Variants in SLIT2 observed in about 807,000 individuals in gnomAD.
SLIT2 encodes the protein slit guidance ligand 2, also known as slit homolog 2 protein.
In SLIT2, 41 loss-of-function variants were observed where a neutral mutation model predicts 185.7. The ratio of observed to expected loss-of-function variants is 0.22; its 90% CI spans 0.17 to 0.29. The LOEUF is 0.29. Among genes scored for constraint, SLIT2 ranks in the 10% least tolerant of loss-of-function variants. SLIT2 has a pLI of 1.00. For missense variants in SLIT2, 1,571 were observed against 1,909.0 expected, an observed-to-expected ratio of 0.82 and a Z score of 3.30; for synonymous variants, 693 against 680.2, an observed-to-expected ratio of 1.02 and a Z score of -0.29.
At position 20,488,796 on chromosome 4, in the gene SLIT2, A is replaced by G. The variant is rs1174862991; in HGVS notation, c.612-23A>G. Reference sequence around the variant, plus strand: ...TAACGACTTTCTGTTTTCTTGCTTTACACTTCTTTTTTTCTCATTTAGTCG... The same window carrying G: ...TAACGACTTTCTGTTTTCTTGCTTTGCACTTCTTTTTTTCTCATTTAGTCG... On this transcript the variant is annotated intron_variant, in intron 7 of 36. Coordinates refer to ENST00000504154, the MANE Select transcript of SLIT2 (RefSeq NM_004787.4). 1.9e-6 allele frequency: 3 copies of G among 1,551,028 alleles called. No homozygotes were observed. In the South Asian group the frequency reaches 3.6e-5, roughly 18 times the overall value.
chr4:20,323,605 C>T (rs1206517085), intron 4 of SLIT2, among the ~76,000 whole-genome samples: 1 of 152,002 alleles, frequency 6.6e-6, no homozygotes, highest in East Asian at 1.9e-4. Flanking sequence ...ATATACAATA[C>T]CGGCCTCCAG....
intron 4 of SLIT2, among the ~76,000 whole-genome samples, chr4:20,341,294 AT>A (rs1299130380): frequency 2.0e-4 from 30 of 152,200 alleles, no homozygotes; most frequent in Admixed American, 2.0e-4. Flanking sequence ...GTAAGAAAGA[AT>A]TGGATGAGAT....
chr4:20,511,212 T>TA, intron 11 of SLIT2, 75 bp downstream of exon 11: 1 of 796,554 alleles, frequency 1.3e-6, no homozygotes, highest in Non-Finnish European at 2.1e-6. Flanking sequence ...AATTGGGGTT[T>TA]AAAAAATGCT....
intron 4 of SLIT2, among the ~76,000 whole-genome samples, chr4:20,315,753 C>T (rs1330975563): frequency 6.6e-6 from 1 of 151,972 alleles, no homozygotes; most frequent in Non-Finnish European, 1.5e-5. Flanking sequence ...GAACTCTTTA[C>T]ATTAGGTAGT....
At chr4:20,507,656 T>C (rs1719331908) in intron 9 of SLIT2, among the ~76,000 whole-genome samples, 1 of 151,660 alleles carries the variant, frequency 6.6e-6, no homozygotes, top group African/African-American at 2.4e-5. Context: ...TAAATATTTA[T>C]AGGGTGAATG....
chr4:20,454,220 A>AG (rs1231655549), intron 4 of SLIT2, among the ~76,000 whole-genome samples: 2 of 152,182 alleles, frequency 1.3e-5, no homozygotes, highest in South Asian at 4.1e-4. Context: ...ATTCTATGCA[A>AG]GACTGTACTA....
At chr4:20,587,281 G>A (rs1398425325) in intron 29 of SLIT2, among the ~76,000 whole-genome samples, 2 of 152,070 alleles carry the variant, frequency 1.3e-5, no homozygotes, top group African/African-American at 4.8e-5. Context: ...AGCCTCCTAA[G>A]TTCGGGGATT....
intron 12 of SLIT2, among the ~76,000 whole-genome samples, chr4:20,520,090 A>C (rs1019752076): frequency 1.5e-4 from 22 of 150,236 alleles, no homozygotes; most frequent in Non-Finnish European, 3.1e-4. Flanking sequence ...ACTTTTGTCC[A>C]GAGAATCTGC....
chr4:20,469,757 T>C (rs1714762650), intron 5 of SLIT2, among the ~76,000 whole-genome samples: 2 of 141,874 alleles, frequency 1.4e-5, no homozygotes, highest in East Asian at 4.0e-4. Context: ...TTTACTTTTT[T>C]TTTTTTTTTT....
intron 12 of SLIT2, among the ~76,000 whole-genome samples, chr4:20,520,015 C>T (rs1157382790): frequency 8.8e-6 from 1 of 113,640 alleles, no homozygotes; most frequent in Non-Finnish European, 1.6e-5. Flanking sequence ...GCCCGGGCGA[C>T]AGAGTGAGAC....
At chr4:20,581,853 TCTC>T (rs1726605425) in intron 29 of SLIT2, among the ~76,000 whole-genome samples, 2 of 152,142 alleles carry the variant, frequency 1.3e-5, no homozygotes, top group South Asian at 4.1e-4. Flanking sequence ...TTCAAGCAAT[TCTC>T]CTGTCTCAGC....
At chr4:20,414,451 A>G (rs1453094904) in intron 4 of SLIT2, among the ~76,000 whole-genome samples, 4 of 151,840 alleles carry the variant, frequency 2.6e-5, no homozygotes, top group Admixed American at 6.6e-5. Context: ...TTACCTCTCT[A>G]TTTTTTCATG....
At chr4:20,332,920 T>A (rs1393126037) in intron 4 of SLIT2, among the ~76,000 whole-genome samples, 1 of 152,156 alleles carries the variant, frequency 6.6e-6, no homozygotes, top group Non-Finnish European at 1.5e-5. Context: ...AAACTTAGTG[T>A]AAAGAGAGGT....
chr4:20,372,773 G>A (rs901532279), intron 4 of SLIT2, among the ~76,000 whole-genome samples: 16 of 152,046 alleles, frequency 1.1e-4, no homozygotes, highest in African/African-American at 3.6e-4. Context: ...AAAATTGAAA[G>A]CAAGTGTATT....
intron 4 of SLIT2, among the ~76,000 whole-genome samples, chr4:20,286,757 GTGCCA>G (rs1340046834): frequency 2.0e-5 from 3 of 152,148 alleles, no homozygotes; most frequent in African/African-American, 7.2e-5. Flanking sequence ...AGCTGAGATC[GTGCCA>G]TTGCACTCCA....
intron 4 of SLIT2, among the ~76,000 whole-genome samples, chr4:20,291,977 C>A (rs1427894223): frequency 6.6e-6 from 1 of 150,520 alleles, no homozygotes; most frequent in Non-Finnish European, 1.5e-5. Context: ...GGTGTTCCTG[C>A]GTATGTGCTG....
intron 4 of SLIT2, among the ~76,000 whole-genome samples, chr4:20,348,599 G>A (rs1721629640): frequency 1.3e-5 from 2 of 152,044 alleles, no homozygotes; most frequent in Non-Finnish European, 2.9e-5. Context: ...CTCTAGTTGG[G>A]CAAGGCTATG....
At chr4:20,301,292 A>G (rs1162469317) in intron 4 of SLIT2, among the ~76,000 whole-genome samples, 1 of 152,218 alleles carries the variant, frequency 6.6e-6, no homozygotes, top group African/African-American at 2.4e-5. Context: ...TCTTAAAGAG[A>G]TAAGCATGTT....
chr4:20,616,647 A>T, intron 34 of SLIT2: 1 of 363,996 alleles, frequency 2.7e-6, no homozygotes, highest in Non-Finnish European at 5.0e-6. Context: ...GTTTTCTTTG[A>T]AGCAAATTTT....
Sources: gnomAD v4.1 joint callset for allele counts (sites outside exome capture counted in the v4.1 genomes callset) on GRCh38, gnomAD v4.1.1 for gene constraint, MANE v1.5 for transcripts, NCBI Gene and HGNC (gene_info 2026-07-23, HGNC 2026-07-21) for gene names.